Variants in KIRREL3 observed in about 807,000 individuals in gnomAD.
KIRREL3 encodes the protein kirre like nephrin family adhesion molecule 3.
A neutral mutation model predicts 89.7 loss-of-function variants in KIRREL3; 36 were observed. The observed-to-expected ratio is 0.40, with a 90% CI of 0.31 to 0.53. The LOEUF (loss-of-function observed/expected upper bound fraction) is 0.53. Among genes scored for constraint, KIRREL3 ranks in the 20% least tolerant of loss-of-function variants. KIRREL3 has a pLI of 0.49. For missense variants in KIRREL3, 864 were observed against 1,056.6 expected (o/e 0.82, Z 2.53); for synonymous variants, 445 against 441.4 (o/e 1.01, Z -0.10).
intron 7 of KIRREL3, among the ~76,000 whole-genome samples, chr11:126,451,113 ATGTGTG>A: frequency 7.0e-6 from 1 of 142,926 alleles, no homozygotes; most frequent in Middle Eastern, 4.9e-3. Flanking sequence ...GCATGTGTGC[ATGTGTG>A]TGTGTGCATG....
chr11:126,696,999 A>C lies in KIRREL3; in HGVS notation c.56-134087T>G, dbSNP rs1947124749. ...TTAAACATGACAAAAAAAATGCACT[A>C]AATAAGTGTCATCTCCTTCCTTTCC... On this transcript the variant is annotated intron_variant, in intron 1 of 16. Coordinates refer to ENST00000525144, the MANE Select transcript of KIRREL3 (RefSeq NM_032531.4). This position sits in a 1 kb window ranked among gnomAD's most constrained non-coding sequence, Gnocchi z 4.4. Among the ~76,000 whole-genome samples, 1 of 152,278 alleles carries C rather than the reference A, an allele frequency of 6.6e-6. No individual in the cohort carries two copies. The highest frequency in any genetic ancestry group is 2.1e-4 in the South Asian group (1 of 4,820).
chr11:126,618,653 T>G (rs1286458601), intron 1 of KIRREL3, among the ~76,000 whole-genome samples: 3 of 152,222 alleles, frequency 2.0e-5, no homozygotes, highest in African/African-American at 7.2e-5. Context: ...CAGGCTGGTC[T>G]CAAACTCCTG....
chr11:126,690,365 T>G (rs1443767189), intron 1 of KIRREL3, among the ~76,000 whole-genome samples: 2 of 151,886 alleles, frequency 1.3e-5, no homozygotes, highest in Non-Finnish European at 2.9e-5. Context: ...AGCAGGGGTT[T>G]TTTTTTTTTT....
At chr11:126,467,629 C>CG (rs1956768381) in intron 5 of KIRREL3, among the ~76,000 whole-genome samples, 1 of 140,882 alleles carries the variant, frequency 7.1e-6, no homozygotes, top group African/African-American at 2.9e-5. Flanking sequence ...TGCTGGGTCC[C>CG]TTTTTTTTTT....
chr11:126,511,317 C>G (rs34364340), intron 4 of KIRREL3, among the ~76,000 whole-genome samples: 27,423 of 146,438 alleles, frequency 0.19, 2,619 homozygotes, highest in African/African-American at 0.24. Context: ...GAGGGAGACT[C>G]CATCTCAAAG....
chr11:126,514,865 AACAAAACAC>A lies in KIRREL3; in HGVS notation c.433+6441_433+6449del, dbSNP rs1337280821. ...AACACAACACAACACAACACAACAC[AACAAAACAC>A]AATTGTCATCCGTGTTTGGGGCTTA... On this transcript the variant is annotated intron_variant, in intron 4 of 16. Coordinates refer to ENST00000525144, the MANE Select transcript of KIRREL3 (RefSeq NM_032531.4). Among the ~76,000 whole-genome samples the A allele has an allele frequency of 2.1e-3, 161 of 75,128 alleles. 1 individual carries two copies. The highest frequency in any genetic ancestry group is 0.01 in the African/African-American group (157 of 15,590). The allele number at this position is 75,128 out of a possible 152,430, so 49.3% of individuals were successfully genotyped here. A position where few individuals can be genotyped will look rare whatever the true frequency, so the allele number is the denominator to read the frequency against.
intron 1 of KIRREL3, among the ~76,000 whole-genome samples, chr11:126,695,721 C>A (rs1380164354): frequency 6.6e-6 from 1 of 152,156 alleles, no homozygotes; most frequent in Non-Finnish European, 1.5e-5. Context: ...TGCTGCATTG[C>A]AAGAAGGAGC....
At chr11:126,675,573 G>A (rs925554717) in intron 1 of KIRREL3, among the ~76,000 whole-genome samples, 8 of 152,156 alleles carry the variant, frequency 5.3e-5, no homozygotes, top group African/African-American at 1.9e-4. Flanking sequence ...GGGTGGTGGA[G>A]ACCAAGAGGT....
rs1397872330 is a variant in KIRREL3 at position 126,475,829 on chromosome 11, G to A, written c.434-2363C>T. 1.3e-5 allele frequency among the ~76,000 whole-genome samples: 2 copies of A among 152,236 alleles called. No homozygotes were observed. Among genetic ancestry groups the A allele is most frequent in the African/African-American group, 4.8e-5 (2 of 41,462 alleles). On this transcript the variant is annotated intron_variant, in intron 4 of 16. Transcript: ENST00000525144. The surrounding 1 kb of genome is among the most constrained non-coding windows in gnomAD (Gnocchi z 7.5). ...TGGAGGAGGGGAATTGCATCTCCAC[G>A]CGGTGAGTGGGGGACTTGCAGCAGG...
chr11:126,663,076 C>A (rs775369790), intron 1 of KIRREL3, among the ~76,000 whole-genome samples: 46 of 151,316 alleles, frequency 3.0e-4, no homozygotes, highest in Non-Finnish European at 2.9e-4. Context: ...GAAGAACCAG[C>A]AAGAAGAGTG....
In KIRREL3 at chr11:126,578,949, G is replaced by A. The variant is rs1183707087; in HGVS notation, c.56-16037C>T. Among the ~76,000 whole-genome samples the A allele has an allele frequency of 6.6e-6, 1 of 152,134 alleles. No homozygotes were observed. The highest frequency in any genetic ancestry group is 1.5e-5 in the Non-Finnish European group (1 of 68,040). ...TCACCATGCCTAGAGATGGGACTTTGTCTCCATGTGACTTATGAAGACACT... is the reference window on the plus strand; with the variant it reads ...TCACCATGCCTAGAGATGGGACTTTATCTCCATGTGACTTATGAAGACACT... On this transcript the variant is annotated intron_variant, in intron 1 of 16. Transcript: ENST00000525144. This position sits in a 1 kb window ranked among gnomAD's most constrained non-coding sequence, Gnocchi z 4.9.
At chr11:126,770,210 T>G (rs1949975622) in intron 1 of KIRREL3, among the ~76,000 whole-genome samples, 1 of 152,122 alleles carries the variant, frequency 6.6e-6, no homozygotes. Flanking sequence ...CCTTGCTTCT[T>G]CAGTTACAAG....
At chr11:126,858,640 T>C (rs527650933) in intron 1 of KIRREL3, among the ~76,000 whole-genome samples, 6 of 152,240 alleles carry the variant, frequency 3.9e-5, no homozygotes, top group Admixed American at 3.9e-4. Flanking sequence ...AGTAGCAGTG[T>C]CTGTGATGTG....
At position 126,635,848 on chromosome 11, in the gene KIRREL3, CCTT is replaced by C. The variant is rs1178637775; in HGVS notation, c.56-72939_56-72937del. On this transcript the variant is annotated intron_variant, in intron 1 of 16. Coordinates refer to ENST00000525144, the MANE Select transcript of KIRREL3 (RefSeq NM_032531.4). The surrounding 1 kb of genome is among the most constrained non-coding windows in gnomAD (Gnocchi z 4.0). ...GTGTCCCATGAATGAGACACCCTGT[CCTT>C]CTCCCTCAAGACATCCTCTTTGTTT... Among the ~76,000 whole-genome samples, 3 of 152,194 alleles carry C rather than the reference CCTT, an allele frequency of 2.0e-5. No individual in the cohort carries two copies. Among genetic ancestry groups the C allele is most frequent in the Non-Finnish European group, 4.4e-5 (3 of 68,034 alleles).
In KIRREL3 at chr11:126,652,930, G is replaced by A. The variant is rs558058702; in HGVS notation, c.56-90018C>T. ...AATGCAAGAAGAAGTTCTGCTTTGG[G>A]TGAGACATCAGTTTAATTTATATTT... On this transcript the variant is annotated intron_variant, in intron 1 of 16. Coordinates refer to ENST00000525144, the MANE Select transcript of KIRREL3 (RefSeq NM_032531.4). The surrounding 1 kb of genome is among the most constrained non-coding windows in gnomAD (Gnocchi z 4.9). The A allele has an allele frequency of 7.2e-5, 11 of 152,104 alleles. No homozygotes were observed. In the South Asian group the frequency reaches 2.1e-3, roughly 29 times the overall value. 9.4% of individuals were successfully genotyped at this position (152,104 alleles called of 1,614,324 possible).
chr11:126,671,383 G>C (rs1945940675), intron 1 of KIRREL3, among the ~76,000 whole-genome samples: 1 of 151,970 alleles, frequency 6.6e-6, no homozygotes, highest in Admixed American at 6.6e-5. Flanking sequence ...TGAGTTTTTA[G>C]ATATTACACC....
chr11:126,654,168 G>A (rs548789912), intron 1 of KIRREL3, among the ~76,000 whole-genome samples: 3 of 136,498 alleles, frequency 2.2e-5, no homozygotes, highest in East Asian at 2.2e-4. Flanking sequence ...GCGAGGGCTC[G>A]TGGTTGGGAC....
rs2134142071 is a variant in KIRREL3, at chr11:126,428,931, GC to G, written c.1806+247del. On this transcript the variant is annotated intron_variant, in intron 15 of 16. Transcript: ENST00000525144. This position sits in a 1 kb window ranked among gnomAD's most constrained non-coding sequence, Gnocchi z 6.4. ...CAAAGTGTTGGGATTGCAAGCGTGA[GC>G]CACTGCACCTGGCCTGGACTGCATC... is the stretch of plus-strand genomic sequence containing the variant. Among the ~76,000 whole-genome samples the G allele has an allele frequency of 6.6e-6, 1 of 152,354 alleles. No individual in the cohort carries two copies. The highest frequency in any genetic ancestry group is 1.5e-5 in the Non-Finnish European group (1 of 68,044).
intron 1 of KIRREL3, among the ~76,000 whole-genome samples, chr11:126,604,098 A>G (rs1176762961): frequency 1.6e-4 from 25 of 152,014 alleles, no homozygotes. Flanking sequence ...CCATTCAGTA[A>G]TATTTACTGA....
Sources: gnomAD v4.1 joint callset for allele counts (sites outside exome capture counted in the v4.1 genomes callset) on GRCh38, gnomAD v4.1.1 for gene constraint, Gnocchi (gnomAD v3.1) non-coding constraint, MANE v1.5 for transcripts, NCBI Gene and HGNC (gene_info 2026-07-23, HGNC 2026-07-21) for gene names.